Variants in ESR1 observed in about 807,000 individuals in gnomAD.
ESR1 encodes estrogen receptor 1, also known as estrogen receptor.
In ESR1, 12 loss-of-function variants were observed where a neutral mutation model predicts 52.7. That is an observed-to-expected ratio of 0.23 (90% CI 0.15 to 0.37). The LOEUF (loss-of-function observed/expected upper bound fraction) is 0.37, where lower values mean the gene tolerates loss of function less well. ESR1 is among the 10% of genes least tolerant of loss of function. The pLI is 1.00. For missense variants in ESR1, 584 were observed against 779.7 expected (o/e 0.75, Z 2.99); for synonymous variants, 305 against 316.8 (o/e 0.96, Z 0.39).
At chr6:151,835,499 G>A (rs1387609309) in intron 1 of ESR1, among the ~76,000 whole-genome samples, 1 of 152,328 alleles carries the variant, frequency 6.6e-6, no homozygotes, top group South Asian at 2.1e-4. Context: ...ATAGAAGCTA[G>A]TGTCTAACTA....
intron 2 of ESR1, among the ~76,000 whole-genome samples, chr6:151,870,747 C>T (rs973345062): frequency 6.6e-6 from 1 of 152,216 alleles, no homozygotes; most frequent in Non-Finnish European, 1.5e-5. Flanking sequence ...CTACCCAGTC[C>T]TTGGCCCAGT....
intron 3 of ESR1, among the ~76,000 whole-genome samples, chr6:151,936,390 C>T (rs76347423): frequency 0.025 from 3,856 of 152,222 alleles, 107 homozygotes; most frequent in East Asian, 0.076. Flanking sequence ...TCCCCACCCT[C>T]TAATTTTTCT....
chr6:151,698,163 T>G (rs1275673106), intron 1 of ESR1, among the ~76,000 whole-genome samples: 1 of 151,638 alleles, frequency 6.6e-6, no homozygotes, highest in Admixed American at 6.6e-5. Flanking sequence ...CTCAGGAGTT[T>G]GAGAGCAGTC....
At chr6:152,045,401 A>C (rs1021220761) in intron 5 of ESR1, among the ~76,000 whole-genome samples, 2 of 152,132 alleles carry the variant, frequency 1.3e-5, no homozygotes, top group African/African-American at 4.8e-5. Flanking sequence ...GGTACTCCAC[A>C]CTGTGTTCAG....
intron 6 of ESR1, among the ~76,000 whole-genome samples, chr6:152,088,500 G>T (rs1168139466): frequency 6.6e-6 from 1 of 152,216 alleles, no homozygotes; most frequent in African/African-American, 2.4e-5. Flanking sequence ...GGACCTTTAA[G>T]AGGTGATTGG....
At chr6:151,849,993 T>TAATTTTATATATATATAAAAA (rs1786057868) in intron 2 of ESR1, among the ~76,000 whole-genome samples, 1 of 123,352 alleles carries the variant, frequency 8.1e-6, no homozygotes, top group African/African-American at 3.1e-5. Flanking sequence ...TATATATATA[T>TAATTTTATATATATATAAAAA]ATATATATAT....
chr6:151,868,099 A>G (rs563673124), intron 2 of ESR1, among the ~76,000 whole-genome samples: 143 of 69,502 alleles, frequency 2.1e-3, no homozygotes, highest in African/African-American at 9.1e-3. Context: ...TTTGTACCCA[A>G]TGATAGTTTT....
chr6:151,659,595 T>C (rs17081551), intron 1 of ESR1, among the ~76,000 whole-genome samples: 8,284 of 152,246 alleles, frequency 0.054, 725 homozygotes, highest in East Asian at 0.41. Context: ...GTCAGCCTCA[T>C]GAAAGAAGGT....
intron 3 of ESR1, 124 bp downstream of exon 3, chr6:151,880,895 T>C: frequency 1.5e-6 from 1 of 657,968 alleles, no homozygotes; most frequent in Non-Finnish European, 2.7e-6. Flanking sequence ...TTTTTTCTAT[T>C]CTTATTTTTC....
At chr6:151,932,426 T>TTC (rs2128489029) in intron 3 of ESR1, among the ~76,000 whole-genome samples, 2 of 128,982 alleles carry the variant, frequency 1.6e-5, no homozygotes, top group South Asian at 6.0e-4. Flanking sequence ...TGATGGTAGT[T>TTC]TCTTTTGCTG....
chr6:152,114,845 C>G (rs962881349), intron 6 of ESR1, among the ~76,000 whole-genome samples: 2 of 133,432 alleles, frequency 1.5e-5, no homozygotes, highest in Non-Finnish European at 3.1e-5. Flanking sequence ...GAGCCGAGAT[C>G]GCGCCACTGC....
intron 1 of ESR1, chr6:151,809,328 C>T (rs975200867): frequency 3.1e-5 from 9 of 293,248 alleles, no homozygotes; most frequent in African/African-American, 2.1e-4. Flanking sequence ...TCTCCCTCTC[C>T]TCTCCCTCCC....
At chr6:151,713,712 A>G (rs1780800567) in intron 2 of ESR1, among the ~76,000 whole-genome samples, 1 of 136,318 alleles carries the variant, frequency 7.3e-6, no homozygotes, top group Non-Finnish European at 1.6e-5. Flanking sequence ...TAGTGTGTCT[A>G]TTTGATTTTT....
In ESR1 at chr6:151,808,272, C is replaced by T; in HGVS notation, c.360C>T (p.Phe120=). The T allele has an allele frequency of 6.3e-7, 1 of 1,586,526 alleles. No individual in the cohort carries two copies. The highest frequency in any genetic ancestry group is 8.6e-7 in the Non-Finnish European group (1 of 1,167,530). The change falls in exon 1 of 8, where the codon TTC becomes TTT. Residue 120 remains phenylalanine, a synonymous_variant. Coordinates refer to ENST00000206249, the MANE Select transcript of ESR1 (RefSeq NM_000125.4). ...ACCCGCCGCCGCAGCTGTCGCCTTT[C>T]CTGCAGCCCCACGGCCAGCAGGTGC... ...LLHPPPQLSP[F]LQPHGQQVPY... is the part of the protein sequence containing the mutation.
At chr6:151,763,600 G>A (rs1012052899) in intron 2 of ESR1, among the ~76,000 whole-genome samples, 6 of 152,186 alleles carry the variant, frequency 3.9e-5, no homozygotes, top group Non-Finnish European at 8.8e-5. Flanking sequence ...ACTAAGACTG[G>A]GGAAAGATTC....
chr6:151,826,369 G>C (rs1000559461), intron 1 of ESR1, among the ~76,000 whole-genome samples: 3 of 152,178 alleles, frequency 2.0e-5, no homozygotes, highest in African/African-American at 7.2e-5. Context: ...TGATTCCGCT[G>C]TCTAGACAAA....
chr6:151,710,158 A>T (rs1780487116), intron 2 of ESR1, among the ~76,000 whole-genome samples: 1 of 151,974 alleles, frequency 6.6e-6, no homozygotes, highest in South Asian at 2.1e-4. Context: ...ATTTGTTGCC[A>T]GGCCTGAGAC....
intron 4 of ESR1, among the ~76,000 whole-genome samples, chr6:151,985,246 C>T (rs1000619684): frequency 6.6e-5 from 10 of 151,982 alleles, no homozygotes; most frequent in Non-Finnish European, 1.0e-4. Flanking sequence ...TGGCTTATGC[C>T]TGTAATCCCA....
At chr6:152,048,624 TGAACTCAGTGCCTCGAACA>T (rs2046427652) in intron 5 of ESR1, among the ~76,000 whole-genome samples, 1 of 152,210 alleles carries the variant, frequency 6.6e-6, no homozygotes, top group Admixed American at 6.5e-5. Context: ...CCTTCAGCAC[TGAACTCAGTGCCTCGAACA>T]TAGGAGATTC....
Sources: allele counts gnomAD v4.1 joint callset (sites outside exome capture counted in the v4.1 genomes callset), GRCh38; gene constraint gnomAD v4.1.1; transcripts MANE v1.5; gene names NCBI Gene and HGNC (gene_info 2026-07-23, HGNC 2026-07-21).